Variants in NSG2 observed in about 807,000 individuals in gnomAD.
NSG2 encodes neuronal vesicle trafficking-associated protein 2.
In NSG2, 4 loss-of-function variants were observed where a neutral mutation model predicts 16.9. The ratio of observed to expected loss-of-function variants is 0.24; its 90% CI spans 0.12 to 0.54. The LOEUF (loss-of-function observed/expected upper bound fraction) is 0.54, where lower values mean the gene tolerates loss of function less well. NSG2 is among the 20% of genes least tolerant of loss of function. NSG2 has a pLI of 0.95. For synonymous variants in NSG2, 98 were observed against 88.7 expected, an observed-to-expected ratio of 1.11 and a Z score of -0.59; for missense variants, 179 against 221.1, an observed-to-expected ratio of 0.81 and a Z score of 1.21.
chr5:174,089,952 G>A (rs1485383020), intron 3 of NSG2, among the ~76,000 whole-genome samples: 1 of 152,140 alleles, frequency 6.6e-6, no homozygotes, highest in Non-Finnish European at 1.5e-5. Flanking sequence ...CTGGGCTCTG[G>A]GAGGCAGGAA....
At chr5:174,091,685 G>GTGTT (rs1491051765) in intron 3 of NSG2, among the ~76,000 whole-genome samples, 7 of 141,840 alleles carry the variant, frequency 4.9e-5, no homozygotes, top group Admixed American at 3.6e-4. Flanking sequence ...GTGTGTGTGT[G>GTGTT]TCTGGGGCAG....
At chr5:174,065,765 G>T (rs1190624575) in intron 3 of NSG2, among the ~76,000 whole-genome samples, 1 of 152,226 alleles carries the variant, frequency 6.6e-6, no homozygotes, top group Non-Finnish European at 1.5e-5. Flanking sequence ...GGATGATGCA[G>T]CAGCCTGGCT....
At chr5:174,096,015 G>A (rs1024669217) in intron 3 of NSG2, among the ~76,000 whole-genome samples, 1 of 152,256 alleles carries the variant, frequency 6.6e-6, no homozygotes, top group Non-Finnish European at 1.5e-5. Flanking sequence ...TTAATGAGCT[G>A]TGTGACCTTG....
intron 3 of NSG2, among the ~76,000 whole-genome samples, chr5:174,071,677 T>C (rs1013978694): frequency 6.6e-6 from 1 of 152,242 alleles, no homozygotes; most frequent in Non-Finnish European, 1.5e-5. Flanking sequence ...TTATGTGCAC[T>C]ACCCCGCTGA....
At chr5:174,064,394 C>A in intron 3 of NSG2, 79 bp downstream of exon 3, 1 of 877,930 alleles carries the variant, frequency 1.1e-6, no homozygotes, top group Non-Finnish European at 1.8e-6. Flanking sequence ...GTGCTTGGAG[C>A]AAGTACTGCT....
intron 2 of NSG2, among the ~76,000 whole-genome samples, chr5:174,053,852 T>TATGTA (rs1191621410): frequency 6.6e-6 from 1 of 152,228 alleles, no homozygotes. Context: ...TCTTGTTGGT[T>TATGTA]ATGTAATGTG....
intron 2 of NSG2, among the ~76,000 whole-genome samples, chr5:174,054,492 C>T (rs1208939104): frequency 1.3e-5 from 2 of 152,184 alleles, no homozygotes; most frequent in East Asian, 1.9e-4. Flanking sequence ...AAGCAATCCT[C>T]CTGCCTCAGT....
At chr5:174,061,227 A>G (rs780981250) in intron 2 of NSG2, among the ~76,000 whole-genome samples, 5 of 152,240 alleles carry the variant, frequency 3.3e-5, no homozygotes, top group Non-Finnish European at 5.9e-5. Flanking sequence ...AAAATCGTGG[A>G]TTAAGAGAAA....
At chr5:174,088,590 A>G (rs565076523) in intron 3 of NSG2, among the ~76,000 whole-genome samples, 78 of 152,324 alleles carry the variant, frequency 5.1e-4, no homozygotes, top group Non-Finnish European at 8.7e-4. Context: ...CATTTGAAAC[A>G]TGGGAACTAT....
intron 3 of NSG2, among the ~76,000 whole-genome samples, chr5:174,093,514 C>G (rs1760751352): frequency 6.6e-6 from 1 of 152,190 alleles, no homozygotes; most frequent in Non-Finnish European, 1.5e-5. Context: ...GCTTCATTCA[C>G]TACTTGGTAC....
In NSG2 at chr5:174,064,268, CAGAAGAACAAAGGGAAGTT is replaced by C; in HGVS notation, c.167_185del (p.Gln56ProfsTer19). ...GACAAGAACGGAATATCAGCCGGAA[CAGAAGAACAAAGGGAAGTT>C]CCGGGTGCCGAAAATCGCTGAATTT... On this transcript the variant is annotated frameshift_variant, in exon 3 of 5. Coordinates refer to ENST00000303177, the MANE Select transcript of NSG2 (RefSeq NM_015980.5). LOFTEE classifies it high-confidence loss of function. 6.2e-7 allele frequency: 1 copy of C among 1,611,928 alleles called. No homozygotes were observed. Among genetic ancestry groups the C allele is most frequent in the Non-Finnish European group, 8.5e-7 (1 of 1,178,642 alleles).
chr5:174,097,031 G>A (rs567949705), intron 3 of NSG2, among the ~76,000 whole-genome samples: 5 of 152,216 alleles, frequency 3.3e-5, no homozygotes, highest in East Asian at 1.9e-4. Context: ...ATTCTACTTC[G>A]TATGATTGTG....
intron 3 of NSG2, among the ~76,000 whole-genome samples, chr5:174,076,318 G>A (rs1388205820): frequency 6.7e-6 from 1 of 149,244 alleles, no homozygotes; most frequent in Non-Finnish European, 1.5e-5. Context: ...GAGGGTAGGT[G>A]TTTTCATAGT....
At chr5:174,093,691 T>C (rs1760753650) in intron 3 of NSG2, among the ~76,000 whole-genome samples, 1 of 152,232 alleles carries the variant, frequency 6.6e-6, no homozygotes, top group Admixed American at 6.5e-5. Flanking sequence ...AGCTGCCACA[T>C]ACAGAAGGCA....
intron 3 of NSG2, among the ~76,000 whole-genome samples, chr5:174,101,590 C>T (rs1016202681): frequency 2.0e-5 from 3 of 152,206 alleles, no homozygotes; most frequent in Non-Finnish European, 4.4e-5. Flanking sequence ...CTCAGCATCA[C>T]GTTTGAAGGG....
At chr5:174,059,612 T>C (rs1760018531) in intron 2 of NSG2, among the ~76,000 whole-genome samples, 1 of 152,210 alleles carries the variant, frequency 6.6e-6, no homozygotes, top group South Asian at 2.1e-4. Context: ...AAAATTATAT[T>C]AAGGCTCAAA....
intron 3 of NSG2, among the ~76,000 whole-genome samples, chr5:174,067,593 A>G (rs1760164765): frequency 6.6e-6 from 1 of 152,270 alleles, no homozygotes; most frequent in Non-Finnish European, 1.5e-5. Flanking sequence ...GGAATGGAGC[A>G]GATTCTCTTA....
chr5:174,075,691 G>T lies in NSG2; in HGVS notation c.213+11376G>T, dbSNP rs1001286329. Among the ~76,000 whole-genome samples, 5 of 152,172 alleles carry T rather than the reference G, an allele frequency of 3.3e-5. No homozygotes were observed. In the East Asian group the frequency reaches 7.7e-4, roughly 23 times the overall value. On this transcript the variant is annotated intron_variant, in intron 3 of 4. Coordinates refer to ENST00000303177, the MANE Select transcript of NSG2 (RefSeq NM_015980.5). ...ACAAGGTGGGAGAGCTCATCTCCTG[G>T]CTTCCTCGCTCTCTGGGCCTTTGCT...
chr5:174,067,064 A>G (rs1335151352), intron 3 of NSG2, among the ~76,000 whole-genome samples: 1 of 149,564 alleles, frequency 6.7e-6, no homozygotes, highest in African/African-American at 2.4e-5. Context: ...ACTTAAAGAG[A>G]GAATGTTGAG....
Sources: allele counts gnomAD v4.1 joint callset (sites outside exome capture counted in the v4.1 genomes callset), GRCh38; gene constraint gnomAD v4.1.1; transcripts MANE v1.5; gene names NCBI Gene and HGNC (gene_info 2026-07-23, HGNC 2026-07-21).